The following BICD2 variants were observed in gnomAD, a reference collection of about 807,000 sequenced individuals.
BICD2 encodes BICD cargo adaptor 2.
Under a neutral mutation model 72.9 loss-of-function variants are expected in BICD2, and 25 were observed. The ratio of observed to expected loss-of-function variants is 0.34; its 90% CI spans 0.25 to 0.48. The LOEUF is 0.48. BICD2 is among the 20% of genes least tolerant of loss of function. The pLI, the probability that BICD2 is intolerant of heterozygous loss-of-function variation, is 0.99. For missense variants in BICD2, 894 were observed against 1,175.2 expected (o/e 0.76, Z 3.50); for synonymous variants, 501 against 516.1 (o/e 0.97, Z 0.40).
At chr9:92,750,131 C>T (rs552108352) in intron 1 of BICD2, among the ~76,000 whole-genome samples, 13 of 152,348 alleles carry the variant, frequency 8.5e-5, no homozygotes, top group African/African-American at 2.6e-4. Flanking sequence ...TCGCAATCCC[C>T]AGAGTTCTTC....
chr9:92,724,535 A>G (rs1366828595), intron 2 of BICD2, among the ~76,000 whole-genome samples: 1 of 152,232 alleles, frequency 6.6e-6, no homozygotes, highest in Non-Finnish European at 1.5e-5. Flanking sequence ...GAAAGCTGAC[A>G]CCAAAAGAAA....
intron 1 of BICD2, 136 bp from the exon 2 acceptor site, chr9:92,729,372 CCT>C: frequency 1.1e-6 from 1 of 910,744 alleles, no homozygotes; most frequent in South Asian, 1.6e-5. Flanking sequence ...AGGGAGGCCC[CCT>C]GACCTGGGAG....
intron 1 of BICD2, among the ~76,000 whole-genome samples, chr9:92,745,978 G>C (rs967987374): frequency 1.3e-5 from 2 of 152,134 alleles, no homozygotes; most frequent in South Asian, 2.1e-4. Flanking sequence ...TCCTGGTCTT[G>C]GCCTGGAACC....
intron 5 of BICD2, 113 bp from the exon 6 acceptor site, chr9:92,718,061 A>G: frequency 7.3e-7 from 1 of 1,360,936 alleles, no homozygotes; most frequent in Non-Finnish European, 1.0e-6. Context: ...CCTGGGAAGA[A>G]AGCTCCTGGG....
intron 2 of BICD2, among the ~76,000 whole-genome samples, chr9:92,727,091 T>A (rs1853582168): frequency 6.6e-6 from 1 of 151,906 alleles, no homozygotes; most frequent in Non-Finnish European, 1.5e-5. Flanking sequence ...TGAGAGGAAA[T>A]GAGATCATGT....
At chr9:92,744,485 A>G (rs1431793109) in intron 1 of BICD2, among the ~76,000 whole-genome samples, 1 of 152,194 alleles carries the variant, frequency 6.6e-6, no homozygotes, top group Non-Finnish European at 1.5e-5. Context: ...TATGATTTTT[A>G]TAGTTTCCAT....
intron 1 of BICD2, among the ~76,000 whole-genome samples, chr9:92,733,617 C>T (rs141785003): frequency 1.3e-3 from 194 of 151,974 alleles, no homozygotes; most frequent in African/African-American, 4.3e-3. Flanking sequence ...ACATTATACA[C>T]AAAAATTAAC....
At chr9:92,758,548 T>C (rs1854309414) in intron 1 of BICD2, among the ~76,000 whole-genome samples, 1 of 40,464 alleles carries the variant, frequency 2.5e-5, no homozygotes. Context: ...CAAGACTCCG[T>C]CTCAAAAAAA....
At chr9:92,744,880 CA>C (rs1427776171) in intron 1 of BICD2, among the ~76,000 whole-genome samples, 5 of 152,024 alleles carry the variant, frequency 3.3e-5, no homozygotes. Flanking sequence ...TGCAGAATAG[CA>C]AATGTACCCA....
intron 1 of BICD2, among the ~76,000 whole-genome samples, chr9:92,729,980 C>T (rs561390244): frequency 3.1e-4 from 47 of 152,196 alleles, no homozygotes; most frequent in Non-Finnish European, 5.3e-4. Flanking sequence ...ACCTGAGAGT[C>T]GACAGCTGTG....
At chr9:92,737,499 C>A (rs1853812640) in intron 1 of BICD2, among the ~76,000 whole-genome samples, 1 of 152,124 alleles carries the variant, frequency 6.6e-6, no homozygotes, top group African/African-American at 2.4e-5. Flanking sequence ...CAGTGTGGGG[C>A]AGCGCGTGGG....
Position 92,713,710 on chromosome 9 carries a change from C to A in BICD2, c.*1444G>T. ...CATGCAGGGTGGGCATGCCAGCAGC[C>A]ATCCCACTGCGAGTCTTGCTGGGGC... On this transcript the variant is annotated 3_prime_UTR_variant, in exon 7 of 7. Transcript: ENST00000356884. 1 of 1,381,752 alleles carries A rather than the reference C, an allele frequency of 7.2e-7. No individual in the cohort carries two copies. The highest frequency in any genetic ancestry group is 9.4e-7 in the Non-Finnish European group (1 of 1,063,808). 85.6% of individuals were successfully genotyped at this position (1,381,752 alleles called of 1,614,324 possible). A position where few individuals can be genotyped will look rare whatever the true frequency, so the allele number is the denominator to read the frequency against.
In BICD2 at chr9:92,752,986, G is replaced by A. The variant is rs965522050; in HGVS notation, c.240+11519C>T. On this transcript the variant is annotated intron_variant, in intron 1 of 6. Coordinates refer to ENST00000356884, the MANE Select transcript of BICD2 (RefSeq NM_001003800.2). ...AGAGAAAGAATAACTTTAGAGTGGC[G>A]GTCAGGTGATCAAGGTCAACAGCAG... is the stretch of plus-strand genomic sequence containing the variant. 3.3e-5 allele frequency among the ~76,000 whole-genome samples: 5 copies of A among 152,202 alleles called. No individual in the cohort carries two copies. The East Asian group carries it at 7.7e-4, about 23-fold the overall frequency.
intron 6 of BICD2, 29 bp from the exon 7 acceptor site, chr9:92,715,492 G>GCGGGCAGAGC: frequency 1.3e-6 from 2 of 1,554,790 alleles, no homozygotes; most frequent in Non-Finnish European, 8.7e-7. Flanking sequence ...TGACTGAGGG[G>GCGGGCAGAGC]CGGGCAGAGC....
intron 1 of BICD2, among the ~76,000 whole-genome samples, chr9:92,744,034 GCTC>G (rs2131524624): frequency 6.6e-6 from 1 of 152,284 alleles, no homozygotes; most frequent in South Asian, 2.1e-4. Context: ...ACACTGCTGT[GCTC>G]CTCTAGAAGA....
chr9:92,746,532 CAAAA>C (rs60146380), intron 1 of BICD2, among the ~76,000 whole-genome samples: 15 of 101,668 alleles, frequency 1.5e-4, no homozygotes, highest in African/African-American at 4.0e-4. Flanking sequence ...ACTCCGTCTC[CAAAA>C]AAAAAAAAAA....
At position 92,714,736 on chromosome 9, in the gene BICD2, G is replaced by A; in HGVS notation, c.*418C>T. The stretch of plus-strand genomic sequence containing the variant: ...TGGAACCTCCTAAAACTGCTTTCTA[G>A]TGCTGACATTAGACACATGCGAGGA... On this transcript the variant is annotated 3_prime_UTR_variant, in exon 7 of 7. Coordinates refer to ENST00000356884, the MANE Select transcript of BICD2 (RefSeq NM_001003800.2). 8.0e-6 allele frequency: 8 copies of A among 1,001,278 alleles called. No homozygotes were observed. The highest frequency in any genetic ancestry group is 9.5e-6 in the Non-Finnish European group (8 of 841,100). 62.0% of individuals were successfully genotyped at this position (1,001,278 alleles called of 1,614,324 possible).
At chr9:92,754,394 G>A (rs550293077) in intron 1 of BICD2, among the ~76,000 whole-genome samples, 14 of 152,292 alleles carry the variant, frequency 9.2e-5, no homozygotes, top group East Asian at 3.9e-4. Context: ...AAAACTGTAC[G>A]TAGGCAAATA....
chr9:92,718,883 T>C lies in BICD2; in HGVS notation c.1762A>G (p.Lys588Glu), dbSNP rs1554705436. The C allele has an allele frequency of 6.2e-7, 1 of 1,601,652 alleles. No homozygotes were observed. The highest frequency in any genetic ancestry group is 1.8e-4 in the Middle Eastern group (1 of 5,552). The change falls in exon 5 of 7, where the codon AAG becomes GAG. Residue 588 changes from lysine (K) to glutamate (E), a missense_variant. Transcript: ENST00000356884. ...RGRRSPILLP[K>E]GLLAPEAGRA... is the part of the protein sequence containing the mutation. The stretch of plus-strand genomic sequence containing the variant: ...CCCGCCTCAGGAGCCAGCAGCCCCT[T>C]GGGTAGGAGGATGGGTGAGCGCCGG...
Sources: allele counts gnomAD v4.1 joint callset (sites outside exome capture counted in the v4.1 genomes callset), GRCh38; gene constraint gnomAD v4.1.1; transcripts MANE v1.5; gene names NCBI Gene and HGNC (gene_info 2026-07-23, HGNC 2026-07-21).